PRRG4: variants seen among roughly 807,000 people sequenced by gnomAD.
PRRG4 encodes the protein transmembrane gamma-carboxyglutamic acid protein 4.
A neutral mutation model predicts 20.0 loss-of-function variants in PRRG4; 12 were observed. That is an observed-to-expected ratio of 0.60 (90% CI 0.38 to 0.97). The LOEUF is 0.97. PRRG4 is among the 50% of genes least tolerant of loss of function. The pLI, the probability that PRRG4 is intolerant of heterozygous loss-of-function variation, is 0.00. For missense variants in PRRG4, 199 were observed against 265.1 expected (o/e 0.75, Z 1.73); for synonymous variants, 94 against 96.4 (o/e 0.98, Z 0.15).
At chr11:32,830,685 G>A (rs1039591523) in intron 2 of PRRG4, 53 bp downstream of exon 2, 17 of 1,610,026 alleles carry the variant, frequency 1.1e-5, no homozygotes, top group Middle Eastern at 1.7e-4. Context: ...AGATCTCAGT[G>A]AGAAAGTGCA....
intron 5 of PRRG4, among the ~76,000 whole-genome samples, chr11:32,849,639 G>T (rs920028210): frequency 1.3e-5 from 2 of 152,116 alleles, no homozygotes; most frequent in Non-Finnish European, 2.9e-5. Context: ...ACTCCAGCCT[G>T]GGAGACAGAG....
chr11:32,837,856 C>T (rs1851038913), intron 3 of PRRG4, among the ~76,000 whole-genome samples: 2 of 152,032 alleles, frequency 1.3e-5, no homozygotes, highest in Admixed American at 1.3e-4. Flanking sequence ...CCATGCCTGG[C>T]CCTAAATTCT....
chr11:32,848,034 G>T (rs1851146615), intron 5 of PRRG4, among the ~76,000 whole-genome samples: 1 of 152,182 alleles, frequency 6.6e-6, no homozygotes, highest in Non-Finnish European at 1.5e-5. Context: ...TGCTATAGCA[G>T]AATACTTGAG....
intron 5 of PRRG4, among the ~76,000 whole-genome samples, chr11:32,852,400 G>A (rs775244942): frequency 1.2e-4 from 19 of 152,318 alleles, no homozygotes; most frequent in Middle Eastern, 3.4e-3. Flanking sequence ...AGGAAGGATT[G>A]GCCAGGCAGC....
chr11:32,839,731 ATAT>A (rs1220487571), intron 4 of PRRG4, among the ~76,000 whole-genome samples: 11 of 118,882 alleles, frequency 9.3e-5, no homozygotes, highest in African/African-American at 2.4e-4. Flanking sequence ...TATATTTTGA[ATAT>A]TATTAAAATA....
At chr11:32,848,325 C>T (rs1004461627) in intron 5 of PRRG4, among the ~76,000 whole-genome samples, 3 of 152,078 alleles carry the variant, frequency 2.0e-5, no homozygotes, top group African/African-American at 7.2e-5. Flanking sequence ...TCCCAAAAGG[C>T]CCCACCTCCT....
chr11:32,843,739 T>C (rs1029158743), intron 5 of PRRG4, among the ~76,000 whole-genome samples: 9 of 151,870 alleles, frequency 5.9e-5, no homozygotes, highest in Non-Finnish European at 1.3e-4. Context: ...TGTTTTTTTT[T>C]TTTTTATTTT....
chr11:32,853,024 A>AGG (rs1851197475), intron 5 of PRRG4, among the ~76,000 whole-genome samples: 1 of 141,134 alleles, frequency 7.1e-6, no homozygotes. Flanking sequence ...TCCTGACCTC[A>AGG]TGATCCGCCC....
intron 5 of PRRG4, among the ~76,000 whole-genome samples, chr11:32,841,097 A>T (rs1851073150): frequency 6.6e-6 from 1 of 152,084 alleles, no homozygotes; most frequent in Non-Finnish European, 1.5e-5. Context: ...GCAGATGCTA[A>T]ACAGGCTATT....
intron 5 of PRRG4, among the ~76,000 whole-genome samples, chr11:32,851,754 A>G (rs980967174): frequency 1.3e-5 from 2 of 151,940 alleles, no homozygotes; most frequent in African/African-American, 4.8e-5. Flanking sequence ...TTATCTATGC[A>G]TTTTTTTCCT....
Position 32,857,609 on chromosome 11 carries a change from G to A in PRRG4, c.*4082G>A, listed in dbSNP as rs551364648. The A allele has an allele frequency of 6.6e-6, 1 of 152,326 alleles. No individual in the cohort carries two copies. Among genetic ancestry groups the A allele is most frequent in the Non-Finnish European group, 1.5e-5 (1 of 68,030 alleles). The allele number at this position is 152,326 out of a possible 1,614,324, so 9.4% of individuals were successfully genotyped here. On this transcript the variant is annotated 3_prime_UTR_variant, in exon 6 of 6. Coordinates refer to ENST00000257836, the MANE Select transcript of PRRG4 (RefSeq NM_024081.6). Reference sequence around the variant, plus strand: ...TTTCTACTTCTCAGATAATTTATGTGTGTGTACTCTTCCTAGACGTACAAG... The same window carrying A: ...TTTCTACTTCTCAGATAATTTATGTATGTGTACTCTTCCTAGACGTACAAG...
chr11:32,831,885 G>C (rs544121137), intron 2 of PRRG4, among the ~76,000 whole-genome samples: 2 of 152,208 alleles, frequency 1.3e-5, no homozygotes, highest in East Asian at 3.9e-4. Flanking sequence ...GCCTGGCTTG[G>C]TGGCACGTGC....
At chr11:32,841,119 C>T (rs1045953669) in intron 5 of PRRG4, among the ~76,000 whole-genome samples, 2 of 150,158 alleles carry the variant, frequency 1.3e-5, no homozygotes, top group African/African-American at 4.9e-5. Flanking sequence ...GAAATTGATA[C>T]TTATTTATCA....
At position 32,840,362 on chromosome 11, in the gene PRRG4, A is replaced by T; in HGVS notation, c.449+123A>T. 1.4e-6 allele frequency: 1 copy of T among 718,486 alleles called. No individual in the cohort carries two copies. The highest frequency in any genetic ancestry group is 1.8e-5 in the African/African-American group (1 of 56,282). The allele number at this position is 718,486 out of a possible 1,614,324, so 44.5% of individuals were successfully genotyped here. A position where few individuals can be genotyped will look rare whatever the true frequency, so the allele number is the denominator to read the frequency against. On this transcript the variant is annotated intron_variant, in intron 5 of 5. Coordinates refer to ENST00000257836, the MANE Select transcript of PRRG4 (RefSeq NM_024081.6). This position sits in a 1 kb window ranked among gnomAD's most constrained non-coding sequence, Gnocchi z 4.1. ...GCCTTTTATTTTGGAAGAATTTTAGATGTATAGGGAAGTTGCAAAGGTTAA... is the reference window on the plus strand; with the variant it reads ...GCCTTTTATTTTGGAAGAATTTTAGTTGTATAGGGAAGTTGCAAAGGTTAA...
intron 3 of PRRG4, 46 bp from the exon 4 acceptor site, chr11:32,838,836 A>T (rs1851048482): frequency 1.4e-6 from 2 of 1,393,832 alleles, no homozygotes; most frequent in Non-Finnish European, 2.0e-6. Flanking sequence ...ATGAAATGTG[A>T]TAATAAAGAT....
chr11:32,835,004 G>A (rs1851008176), intron 2 of PRRG4, among the ~76,000 whole-genome samples: 2 of 152,024 alleles, frequency 1.3e-5, no homozygotes, highest in African/African-American at 4.8e-5. Context: ...TGTAGAGACG[G>A]GGTTTCATCT....
At chr11:32,852,772 CTTT>C (rs531547410) in intron 5 of PRRG4, among the ~76,000 whole-genome samples, 9 of 126,662 alleles carry the variant, frequency 7.1e-5, no homozygotes, top group Admixed American at 1.6e-4. Context: ...TCAGATTTCT[CTTT>C]TTTTTTTTTT....
chr11:32,833,246 G>A (rs773075137), intron 2 of PRRG4, among the ~76,000 whole-genome samples: 71 of 152,058 alleles, frequency 4.7e-4, no homozygotes, highest in Non-Finnish European at 8.5e-4. Flanking sequence ...CCTGGAAGGC[G>A]GATTTAATAC....
intron 3 of PRRG4, among the ~76,000 whole-genome samples, chr11:32,837,580 T>C (rs574870371): frequency 0.026 from 3,702 of 141,668 alleles, 148 homozygotes; most frequent in African/African-American, 0.088. Flanking sequence ...TTATTATTAT[T>C]ATCTGGAGAC....
Sources: gnomAD v4.1 joint callset for allele counts (sites outside exome capture counted in the v4.1 genomes callset) on GRCh38, gnomAD v4.1.1 for gene constraint, Gnocchi (gnomAD v3.1) non-coding constraint, MANE v1.5 for transcripts, NCBI Gene and HGNC (gene_info 2026-07-23, HGNC 2026-07-21) for gene names.